STAB2: variants seen among roughly 807,000 people sequenced by gnomAD.
The protein encoded by STAB2 is stabilin-2.
A neutral mutation model predicts 338.1 loss-of-function variants in STAB2; 288 were observed. The observed-to-expected ratio is 0.85, with a 90% CI of 0.77 to 0.94. The LOEUF (loss-of-function observed/expected upper bound fraction) is 0.94, where lower values mean the gene tolerates loss of function less well. Ranked by LOEUF, STAB2 falls within the 40% of genes least tolerant of loss-of-function variation. The probability of loss-of-function intolerance (pLI) is 0.00; values close to 1 mark genes in which losing one functional copy is unlikely to be tolerated. For synonymous variants in STAB2, 1,202 were observed against 1,193.3 expected (o/e 1.01, Z -0.15); for missense variants, 3,141 against 3,210.1 (o/e 0.98, Z 0.52).
intron 1 of STAB2, among the ~76,000 whole-genome samples, chr12:103,587,921 T>C (rs1018169701): frequency 6.6e-6 from 1 of 152,192 alleles, no homozygotes; most frequent in African/African-American, 2.4e-5. Flanking sequence ...TGTGGAGAGA[T>C]GGTCTGGGGA....
rs898706395 is a variant in STAB2 at position 103,613,775 on chromosome 12, C to T, written c.332-6693C>T. Among the ~76,000 whole-genome samples the T allele has an allele frequency of 7.2e-5, 11 of 152,290 alleles. 1 individual carries two copies. The highest frequency in any genetic ancestry group is 3.3e-4 in the Admixed American group (5 of 15,304). On this transcript the variant is annotated intron_variant, in intron 3 of 68. Transcript: ENST00000388887. ...TGCAGAAATCATCCGTCTTCTGCGT[C>T]GCTCATGCTGAGAGCTGTAGACTGG... is the stretch of plus-strand genomic sequence containing the variant.
intron 50 of STAB2, among the ~76,000 whole-genome samples, chr12:103,732,315 A>C (rs192636095): frequency 7.9e-5 from 12 of 152,194 alleles, no homozygotes; most frequent in Non-Finnish European, 1.3e-4. Flanking sequence ...TCTCAAAAAC[A>C]AAAAAGACAT....
rs1881250298 is a variant in STAB2, at chr12:103,726,883, A to AAC, written c.4852-384_4852-383insAC. On this transcript the variant is annotated intron_variant, in intron 46 of 68. Coordinates refer to ENST00000388887, the MANE Select transcript of STAB2 (RefSeq NM_017564.10). ...AAGAAGACAATTATAACAGTTAAGT[A>AAC]TATCAACTCACGTTTTATGTTTGTA... Among the ~76,000 whole-genome samples the AAC allele has an allele frequency of 3.3e-5, 5 of 152,196 alleles. 1 individual carries two copies. The South Asian group carries it at 1.0e-3, about 32-fold the overall frequency.
chr12:103,609,592 G>T (rs1439765476), intron 3 of STAB2, among the ~76,000 whole-genome samples: 1 of 152,100 alleles, frequency 6.6e-6, no homozygotes, highest in Non-Finnish European at 1.5e-5. Flanking sequence ...TTTGGGCTGA[G>T]ATGATGGGGT....
At position 103,655,317 on chromosome 12, in the gene STAB2, T is replaced by G. The variant is rs1444893244; in HGVS notation, c.1608+10T>G. ...CAGATCTTTGTTAGAGGTAAGCACT[T>G]TTCATAATTTTCTGAAAAATATTTA... On this transcript the variant is annotated intron_variant, in intron 14 of 68. Coordinates refer to ENST00000388887, the MANE Select transcript of STAB2 (RefSeq NM_017564.10). 5 of 1,610,910 alleles carry G rather than the reference T, an allele frequency of 3.1e-6. No individual in the cohort carries two copies. In the African/African-American group the frequency reaches 6.7e-5, roughly 22 times the overall value.
At chr12:103,677,886 C>T (rs1876535124) in intron 25 of STAB2, among the ~76,000 whole-genome samples, 1 of 152,196 alleles carries the variant, frequency 6.6e-6, no homozygotes, top group Admixed American at 6.5e-5. Flanking sequence ...TCCAGGGCCG[C>T]CCTCTTAGTC....
chr12:103,689,494 GAAA>G (rs11315983), intron 28 of STAB2, among the ~76,000 whole-genome samples: 1 of 145,256 alleles, frequency 6.9e-6, no homozygotes, highest in Non-Finnish European at 1.5e-5. Flanking sequence ...AAAAAAAAAA[GAAA>G]AAAAAAAATG....
intron 5 of STAB2, among the ~76,000 whole-genome samples, chr12:103,623,042 A>C (rs541574519): frequency 5.9e-5 from 9 of 152,242 alleles, no homozygotes; most frequent in African/African-American, 1.2e-4. Context: ...CTGCCCCCAG[A>C]AGTAGACTCT....
chr12:103,742,381 T>A (rs747543166), intron 55 of STAB2, 24 bp from the exon 56 acceptor site: 2 of 1,612,202 alleles, frequency 1.2e-6, no homozygotes, highest in African/African-American at 2.7e-5. Context: ...GACTGTTGAG[T>A]CACTGCTGTT....
chr12:103,748,593 CACACACACACAT>C (rs1231153564), intron 58 of STAB2, among the ~76,000 whole-genome samples: 3,279 of 47,854 alleles, frequency 0.069, 56 homozygotes, highest in African/African-American at 0.13. Flanking sequence ...ACCACACACA[CACACACACACAT>C]ACACACACAC....
At position 103,760,390 on chromosome 12, in the gene STAB2, A is replaced by C. The variant is rs528422653; in HGVS notation, c.7249-910A>C. 5.3e-5 allele frequency among the ~76,000 whole-genome samples: 8 copies of C among 152,286 alleles called. 1 individual carries two copies. The South Asian group carries it at 1.0e-3, about 20-fold the overall frequency. ...ATCCTCCTGCCTCAGCCTCCCGCGT[A>C]GCTGGGACTACAGGTGCCCGCCACC... On this transcript the variant is annotated intron_variant, in intron 65 of 68. Coordinates refer to ENST00000388887, the MANE Select transcript of STAB2 (RefSeq NM_017564.10).
At chr12:103,751,821 G>C (rs1005719768) in intron 60 of STAB2, among the ~76,000 whole-genome samples, 1 of 152,170 alleles carries the variant, frequency 6.6e-6, no homozygotes, top group African/African-American at 2.4e-5. Context: ...GTTTTCTTAT[G>C]AATGCCAAGA....
At chr12:103,681,568 A>G (rs1046585688) in intron 25 of STAB2, among the ~76,000 whole-genome samples, 2 of 138,406 alleles carry the variant, frequency 1.4e-5, no homozygotes, top group Admixed American at 7.3e-5. Context: ...TCACGTTCAG[A>G]TGTTGTTCTC....
intron 57 of STAB2, 114 bp from the exon 58 acceptor site, chr12:103,746,483 A>G (rs1883039974): frequency 1.1e-6 from 1 of 898,596 alleles, no homozygotes; most frequent in Non-Finnish European, 1.8e-6. Flanking sequence ...CCTGCTGTAC[A>G]GGGGCACTTA....
chr12:103,711,221 T>A (rs1879826118), intron 39 of STAB2: 5 of 531,914 alleles, frequency 9.4e-6, no homozygotes, highest in Non-Finnish European at 1.7e-5. Context: ...TTTTATTCAC[T>A]CTTGCATCCT....
rs2292684 is a variant in STAB2 at position 103,748,922 on chromosome 12, A to G, written c.6245-41A>G. The G allele has an allele frequency of 1.3e-4, 210 of 1,583,296 alleles. 1 individual carries two copies. The East Asian group carries it at 4.7e-3, about 35-fold the overall frequency. ...CCCTGACCTGAAGCCCTAGTTCCAC[A>G]GAAGGTGGTAAGTTGAGCCCTCTCT... On this transcript the variant is annotated intron_variant, in intron 58 of 68. Transcript: ENST00000388887.
rs573627857 is a variant in STAB2 at position 103,742,878 on chromosome 12, C to T, written c.6031+324C>T. ...AATGCTGACATTGATTAAGTGCCTACTATGTGCCAGGCACAAATGTTTTAC... is the reference window on the plus strand; with the variant it reads ...AATGCTGACATTGATTAAGTGCCTATTATGTGCCAGGCACAAATGTTTTAC... On this transcript the variant is annotated intron_variant, in intron 56 of 68. Coordinates refer to ENST00000388887, the MANE Select transcript of STAB2 (RefSeq NM_017564.10). Among the ~76,000 whole-genome samples, 4 of 152,348 alleles carry T rather than the reference C, an allele frequency of 2.6e-5. No homozygotes were observed. The South Asian group carries it at 8.3e-4, about 32-fold the overall frequency.
intron 41 of STAB2, among the ~76,000 whole-genome samples, chr12:103,712,923 A>G (rs1879999658): frequency 6.6e-6 from 1 of 152,182 alleles, no homozygotes; most frequent in Admixed American, 6.5e-5. Flanking sequence ...TCATTTGTAA[A>G]GTAAACTTAA....
intron 36 of STAB2, chr12:103,705,074 A>C (rs1218604576): frequency 6.4e-6 from 1 of 157,094 alleles, no homozygotes; most frequent in Non-Finnish European, 1.4e-5. Flanking sequence ...TATTTATTGT[A>C]AAAGATACTT....
Sources: allele counts gnomAD v4.1 joint callset (sites outside exome capture counted in the v4.1 genomes callset), GRCh38; gene constraint gnomAD v4.1.1; transcripts MANE v1.5; gene names NCBI Gene and HGNC (gene_info 2026-07-23, HGNC 2026-07-21).